OPA1: variants seen among roughly 807,000 people sequenced by gnomAD.
OPA1 encodes the protein dynamin-like GTPase OPA1, mitochondrial.
OPA1 carries 59 observed loss-of-function variants against 152.9 expected under a neutral mutation model. That is an observed-to-expected ratio of 0.39 (90% confidence interval 0.31 to 0.48). The LOEUF is 0.48. Ranked by LOEUF, OPA1 falls within the 20% of genes least tolerant of loss-of-function variation. The pLI is 0.96. For synonymous variants in OPA1, 400 were observed against 389.9 expected (o/e 1.03, Z -0.31); for missense variants, 1,008 against 1,216.8 (o/e 0.83, Z 2.55).
At chr3:193,636,709 C>A (rs1015281270) in intron 9 of OPA1, among the ~76,000 whole-genome samples, 3 of 152,156 alleles carry the variant, frequency 2.0e-5, no homozygotes, top group Admixed American at 6.5e-5. Flanking sequence ...GATACTTAAC[C>A]ACCCTTACTG....
chr3:193,623,116 A>G (rs1205166529), intron 6 of OPA1, among the ~76,000 whole-genome samples: 1 of 152,188 alleles, frequency 6.6e-6, no homozygotes, highest in African/African-American at 2.4e-5. Context: ...ATGTCTTTTG[A>G]GGACCCTTGG....
chr3:193,645,540 C>A lies in OPA1; in HGVS notation c.1609-13C>A. On this transcript the variant is annotated splice_polypyrimidine_tract_variant and intron_variant, in intron 16 of 30. Coordinates refer to ENST00000361510, the MANE Select transcript of OPA1 (RefSeq NM_130837.3). ...CTATATCTCACATTAATTTTTCCCA[C>A]TTTTAAAAATAGATTCAGCAGATAA... The A allele has an allele frequency of 6.2e-7, 1 of 1,604,930 alleles. No individual in the cohort carries two copies. Among genetic ancestry groups the A allele is most frequent in the Non-Finnish European group, 8.5e-7 (1 of 1,172,736 alleles).
In OPA1 at chr3:193,593,351, C is replaced by T. The variant is rs554733625; in HGVS notation, c.-27C>T. ...GGGGGCTCCCGCGTGGCCGTCTCGGCGCCTGCGTGACCTCCCCGCCGGCGG... is the reference window on the plus strand; with the variant it reads ...GGGGGCTCCCGCGTGGCCGTCTCGGTGCCTGCGTGACCTCCCCGCCGGCGG... On this transcript the variant is annotated 5_prime_UTR_variant, in exon 1 of 31. Transcript: ENST00000361510. 1.7e-5 allele frequency: 26 copies of T among 1,541,414 alleles called. No individual in the cohort carries two copies. In the African/African-American group the frequency reaches 2.1e-4, roughly 12 times the overall value.
chr3:193,662,760 CTG>C (rs1715598115), intron 25 of OPA1, 60 bp from the exon 26 acceptor site: 1 of 1,375,474 alleles, frequency 7.3e-7, no homozygotes, highest in South Asian at 1.2e-5. Context: ...AAAATTGAGA[CTG>C]TTTTTCAAGC....
intron 8 of OPA1, among the ~76,000 whole-genome samples, chr3:193,634,203 A>T (rs1732558619): frequency 6.6e-6 from 1 of 152,064 alleles, no homozygotes; most frequent in Admixed American, 6.5e-5. Flanking sequence ...TGTTTAGAGA[A>T]GAAATAAAAG....
At chr3:193,605,951 C>T (rs1284231455) in intron 1 of OPA1, among the ~76,000 whole-genome samples, 2 of 152,162 alleles carry the variant, frequency 1.3e-5, no homozygotes, top group Non-Finnish European at 2.9e-5. Context: ...GGACTATACA[C>T]AACTCCCTAT....
chr3:193,638,432 A>G (rs189147787), intron 11 of OPA1, among the ~76,000 whole-genome samples: 37 of 152,348 alleles, frequency 2.4e-4, no homozygotes, highest in Admixed American at 3.9e-4. Context: ...GCAATTGAAT[A>G]TTGTTGAATT....
intron 16 of OPA1, among the ~76,000 whole-genome samples, chr3:193,644,584 C>T (rs1734252510): frequency 2.0e-5 from 3 of 151,456 alleles, no homozygotes; most frequent in African/African-American, 7.3e-5. Context: ...ACAGGCAGGC[C>T]TTTTTAAGGA....
At chr3:193,666,011 C>G (rs1716447966) in intron 27 of OPA1, among the ~76,000 whole-genome samples, 1 of 152,164 alleles carries the variant, frequency 6.6e-6, no homozygotes, top group Non-Finnish European at 1.5e-5. Flanking sequence ...TTTCAACTTA[C>G]ATACAATGTA....
intron 21 of OPA1, among the ~76,000 whole-genome samples, chr3:193,651,078 A>T (rs1411788534): frequency 6.6e-6 from 1 of 152,130 alleles, no homozygotes; most frequent in Non-Finnish European, 1.5e-5. Context: ...CTTTAACATA[A>T]ATGGGGGCAA....
intron 6 of OPA1, 99 bp downstream of exon 6, chr3:193,619,035 A>C (rs2108890317): frequency 1.1e-6 from 1 of 936,450 alleles, no homozygotes; most frequent in Non-Finnish European, 1.7e-6. Context: ...TCTGAGAAGC[A>C]AATACAAAAA....
chr3:193,646,028 C>T (rs945121777), intron 18 of OPA1, among the ~76,000 whole-genome samples: 2 of 151,508 alleles, frequency 1.3e-5, no homozygotes, highest in African/African-American at 4.9e-5. Context: ...CTTCCTTGGA[C>T]GTGGGCACTG....
chr3:193,647,115 C>T lies in OPA1; in HGVS notation c.1805C>T (p.Ala602Val). ...GTGACTACAAGAAATTTAAGCCTTG[C>T]AGTATCAGACTGCTTTTGGAAAATG... ...HQVTTRNLSLAVSDCFWKMVR... is the reference protein window; with the variant it reads ...HQVTTRNLSLVVSDCFWKMVR... The change falls in exon 19 of 31, where the codon GCA (alanine) becomes GTA (valine). Residue 602 changes from alanine to valine, a missense_variant. By Grantham distance (64) the Ala-to-Val change is moderately conservative. Coordinates refer to ENST00000361510, the MANE Select transcript of OPA1 (RefSeq NM_130837.3). 1.2e-6 allele frequency: 2 copies of T among 1,613,318 alleles called. No homozygotes were observed. Among genetic ancestry groups the T allele is most frequent in the Non-Finnish European group, 1.7e-6 (2 of 1,179,756 alleles).
intron 9 of OPA1, 46 bp from the exon 10 acceptor site, chr3:193,637,144 TTTTTC>T (rs758228795): frequency 2.6e-5 from 26 of 1,003,280 alleles, no homozygotes; most frequent in Admixed American, 2.2e-4. Flanking sequence ...CTGTTATATT[TTTTTC>T]TTTACTTTTA....
chr3:193,691,496 G>A (rs1471738195), intron 29 of OPA1: 2 of 152,136 alleles, frequency 1.3e-5, no homozygotes, highest in Admixed American at 1.3e-4. Flanking sequence ...CACTTCTCAT[G>A]TTTGTTGCAA....
At chr3:193,667,369 A>G (rs544054238) in intron 29 of OPA1, 89 bp downstream of exon 29, 1 of 805,432 alleles carries the variant, frequency 1.2e-6, no homozygotes, top group South Asian at 1.4e-5. Context: ...TCAAACTTAC[A>G]GAAAAGTTAC....
At chr3:193,608,503 T>C (rs1333948446) in intron 1 of OPA1, among the ~76,000 whole-genome samples, 1 of 152,230 alleles carries the variant, frequency 6.6e-6, no homozygotes, top group Non-Finnish European at 1.5e-5. Context: ...TTCCATGTAG[T>C]TGAGCAGTTT....
chr3:193,634,518 A>G (rs1228259250), intron 8 of OPA1, among the ~76,000 whole-genome samples: 1 of 151,742 alleles, frequency 6.6e-6, no homozygotes, highest in Non-Finnish European at 1.5e-5. Context: ...CCCGGGTTCA[A>G]GCGATTCTCC....
rs780531310 is a variant in OPA1, at chr3:193,645,546, A to T, written c.1609-7A>T. ...CTCACATTAATTTTTCCCACTTTTA[A>T]AAATAGATTCAGCAGATAATTGAAG... On this transcript the variant is annotated splice_polypyrimidine_tract_variant and splice_region_variant and intron_variant, in intron 16 of 30. Coordinates refer to ENST00000361510, the MANE Select transcript of OPA1 (RefSeq NM_130837.3). The T allele has an allele frequency of 1.2e-6, 2 of 1,609,496 alleles. No homozygotes were observed. The highest frequency in any genetic ancestry group is 1.7e-6 in the Non-Finnish European group (2 of 1,176,532).
Sources: gnomAD v4.1 joint callset for allele counts (sites outside exome capture counted in the v4.1 genomes callset) on GRCh38, gnomAD v4.1.1 for gene constraint, MANE v1.5 for transcripts, NCBI Gene and HGNC (gene_info 2026-07-23, HGNC 2026-07-21) for gene names.